Variants in SIPA1L3 observed in about 807,000 individuals in gnomAD.
SIPA1L3 encodes the protein signal induced proliferation associated 1 like 3.
SIPA1L3 carries 59 observed loss-of-function variants against 150.1 expected under a neutral mutation model. That is an observed-to-expected ratio of 0.39 (90% CI 0.32 to 0.49). The LOEUF (loss-of-function observed/expected upper bound fraction) is 0.49, where lower values mean the gene tolerates loss of function less well. SIPA1L3 is among the 20% of genes least tolerant of loss of function. The pLI is 0.86. For missense variants in SIPA1L3, 2,211 were observed against 2,489.5 expected (o/e 0.89, Z 2.38); for synonymous variants, 1,070 against 1,077.6 (o/e 0.99, Z 0.14).
chr19:37,974,948 C>T (rs903982451), intron 1 of SIPA1L3, among the ~76,000 whole-genome samples: 11 of 152,118 alleles, frequency 7.2e-5, no homozygotes, highest in Admixed American at 5.2e-4. Flanking sequence ...GAGGCTGAGG[C>T]GGGCAGATCA....
At chr19:38,182,398 A>G in intron 15 of SIPA1L3, 121 bp from the exon 16 acceptor site, 2 of 751,320 alleles carry the variant, frequency 2.7e-6, no homozygotes, top group Non-Finnish European at 4.5e-6. Flanking sequence ...GCGGTAATAT[A>G]TTTGTGTCTG....
intron 9 of SIPA1L3, among the ~76,000 whole-genome samples, chr19:38,127,630 G>A (rs76763659): frequency 0.016 from 2,358 of 151,944 alleles, 25 homozygotes; most frequent in South Asian, 0.044. Context: ...AGCTGGGACT[G>A]CAAGCGTATG....
At chr19:38,162,471 T>C (rs1245525699) in intron 14 of SIPA1L3, 100 bp downstream of exon 14, 2 of 832,616 alleles carry the variant, frequency 2.4e-6, no homozygotes, top group Non-Finnish European at 4.0e-6. Context: ...TCTGCCACCT[T>C]CCACTCAGCA....
At chr19:38,099,170 G>A (rs920282606) in intron 4 of SIPA1L3, among the ~76,000 whole-genome samples, 3 of 152,044 alleles carry the variant, frequency 2.0e-5, no homozygotes, top group Non-Finnish European at 4.4e-5. Context: ...CAAGTAGCTG[G>A]GATTACAGGT....
At position 38,207,388 on chromosome 19, in the gene SIPA1L3, G is replaced by C. The variant is rs1013957447; in HGVS notation, c.*1148G>C. 4 of 149,694 alleles carry C rather than the reference G, an allele frequency of 2.7e-5. No individual in the cohort carries two copies. Among genetic ancestry groups the C allele is most frequent in the African/African-American group, 9.8e-5 (4 of 40,728 alleles). 9.3% of individuals were successfully genotyped at this position (149,694 alleles called of 1,614,324 possible). A position where few individuals can be genotyped will look rare whatever the true frequency, so the allele number is the denominator to read the frequency against. On this transcript the variant is annotated 3_prime_UTR_variant, in exon 22 of 22. Transcript: ENST00000222345. ...TACCACGCTGTTCCTCCAGGAAACC[G>C]TTTCTTTTTTTCCTTCTTTAAAAGC...
chr19:38,052,389 G>T (rs1266759518), intron 2 of SIPA1L3, among the ~76,000 whole-genome samples: 1 of 152,216 alleles, frequency 6.6e-6, no homozygotes, highest in African/African-American at 2.4e-5. Flanking sequence ...CAAGGAGTAG[G>T]GCACCTTAGC....
At chr19:37,999,435 T>G (rs762398839) in intron 1 of SIPA1L3, among the ~76,000 whole-genome samples, 33 of 152,218 alleles carry the variant, frequency 2.2e-4, no homozygotes, top group Admixed American at 7.2e-4. Flanking sequence ...ATGAGCAGTC[T>G]TGCCCATCCT....
At chr19:38,048,497 C>T (rs1026363836) in intron 2 of SIPA1L3, among the ~76,000 whole-genome samples, 6 of 152,180 alleles carry the variant, frequency 3.9e-5, no homozygotes, top group African/African-American at 9.7e-5. Flanking sequence ...GCTGAGGTCA[C>T]GTGCCCCTCA....
rs201659901 is a variant in SIPA1L3, at chr19:38,198,347, T to C, written c.4841-42T>C. The C allele has an allele frequency of 6.4e-4, 935 of 1,470,092 alleles. 1 individual carries two copies. The highest frequency in any genetic ancestry group is 8.0e-4 in the Non-Finnish European group (885 of 1,107,304). The allele number at this position is 1,470,092 out of a possible 1,614,324, so 91.1% of individuals were successfully genotyped here. A position where few individuals can be genotyped will look rare whatever the true frequency, so the allele number is the denominator to read the frequency against. On this transcript the variant is annotated intron_variant, in intron 18 of 21. Transcript: ENST00000222345. The stretch of plus-strand genomic sequence containing the variant: ...TCTTCATGTATTTGTGTCTCCCGCA[T>C]TGTCACACTCAACCACTGCCATCTC...
At chr19:38,165,947 G>C (rs1044948355) in intron 15 of SIPA1L3, among the ~76,000 whole-genome samples, 5 of 152,050 alleles carry the variant, frequency 3.3e-5, no homozygotes, top group Non-Finnish European at 5.9e-5. Flanking sequence ...ATTTTTAGTA[G>C]AGACAGGGTT....
intron 1 of SIPA1L3, among the ~76,000 whole-genome samples, chr19:37,965,461 G>A (rs969183601): frequency 1.3e-5 from 2 of 151,734 alleles, no homozygotes; most frequent in Admixed American, 6.6e-5. Flanking sequence ...GATTACAGGC[G>A]CGTGCCACCA....
intron 1 of SIPA1L3, among the ~76,000 whole-genome samples, chr19:37,961,417 C>T (rs1322762842): frequency 6.6e-6 from 1 of 152,052 alleles, no homozygotes; most frequent in African/African-American, 2.4e-5. Flanking sequence ...CTGATGTCTT[C>T]TGGCCTCCAT....
intron 1 of SIPA1L3, among the ~76,000 whole-genome samples, chr19:37,917,110 A>G (rs1166399842): frequency 6.6e-6 from 1 of 152,218 alleles, no homozygotes; most frequent in Admixed American, 6.5e-5. Flanking sequence ...TGTAATCAAT[A>G]TAGAAATTAT....
intron 13 of SIPA1L3, among the ~76,000 whole-genome samples, chr19:38,161,506 C>T (rs1568584183): frequency 2.0e-5 from 3 of 151,770 alleles, no homozygotes; most frequent in Non-Finnish European, 2.9e-5. Flanking sequence ...AGGTGGATCA[C>T]GAGGTCAGGA....
intron 1 of SIPA1L3, among the ~76,000 whole-genome samples, chr19:37,956,857 A>G (rs1219113564): frequency 6.6e-6 from 1 of 152,164 alleles, no homozygotes; most frequent in East Asian, 1.9e-4. Context: ...TTGGTATTAT[A>G]TTTAAGAACT....
chr19:38,102,838 A>G (rs1235085858), intron 6 of SIPA1L3, among the ~76,000 whole-genome samples: 1 of 151,796 alleles, frequency 6.6e-6, no homozygotes, highest in Non-Finnish European at 1.5e-5. Context: ...TCTCAAGAAT[A>G]AATAGGCCGG....
chr19:38,151,082 C>G (rs1443109260), intron 12 of SIPA1L3, among the ~76,000 whole-genome samples: 6 of 152,158 alleles, frequency 3.9e-5, no homozygotes, highest in Admixed American at 3.9e-4. Context: ...GTGGGTCTTA[C>G]CTGCAGCCTG....
intron 9 of SIPA1L3, among the ~76,000 whole-genome samples, chr19:38,122,927 C>T (rs143950511): frequency 1.4e-3 from 215 of 152,320 alleles, no homozygotes; most frequent in Middle Eastern, 6.8e-3. Flanking sequence ...CACATTCACG[C>T]GCTTTGCCTG....
At chr19:38,178,023 G>A (rs1300908423) in intron 15 of SIPA1L3, among the ~76,000 whole-genome samples, 4 of 151,398 alleles carry the variant, frequency 2.6e-5, no homozygotes, top group South Asian at 2.1e-4. Flanking sequence ...AACTTTTCCT[G>A]ATTATAAACA....
Sources: gnomAD v4.1 joint callset for allele counts (sites outside exome capture counted in the v4.1 genomes callset) on GRCh38, gnomAD v4.1.1 for gene constraint, MANE v1.5 for transcripts, NCBI Gene and HGNC (gene_info 2026-07-23, HGNC 2026-07-21) for gene names.